ADGRL2: variants seen among roughly 807,000 people sequenced by gnomAD.
The protein encoded by ADGRL2 is adhesion G protein-coupled receptor L2, also known as calcium-independent alpha-latrotoxin receptor 2.
In ADGRL2, 44 loss-of-function variants were observed where a neutral mutation model predicts 157.4. That is an observed-to-expected ratio of 0.28 (90% confidence interval 0.22 to 0.36). The LOEUF (loss-of-function observed/expected upper bound fraction) is 0.36, where lower values mean the gene tolerates loss of function less well. Among genes scored for constraint, ADGRL2 ranks in the 10% least tolerant of loss-of-function variants. ADGRL2 has a pLI of 1.00. For synonymous variants in ADGRL2, 585 were observed against 624.7 expected (o/e 0.94, Z 0.95); for missense variants, 1,510 against 1,768.9 (o/e 0.85, Z 2.63).
intron 3 of ADGRL2, among the ~76,000 whole-genome samples, chr1:81,661,438 G>C (rs1200759925): frequency 6.6e-6 from 1 of 152,036 alleles, no homozygotes; most frequent in African/African-American, 2.4e-5. Context: ...GAAAAATAAA[G>C]GTGAAGAATT....
At chr1:81,977,130 C>G (rs992775035) in intron 17 of ADGRL2, among the ~76,000 whole-genome samples, 1 of 151,812 alleles carries the variant, frequency 6.6e-6, no homozygotes, top group Non-Finnish European at 1.5e-5. Flanking sequence ...TCTAAGTAAT[C>G]TTTGGAAGGA....
intron 1 of ADGRL2, among the ~76,000 whole-genome samples, chr1:81,810,586 C>A (rs540768919): frequency 5.9e-5 from 9 of 151,874 alleles, no homozygotes; most frequent in East Asian, 1.9e-4. Context: ...TTAGTTCTTA[C>A]AATTCCTGAC....
chr1:81,932,348 G>A (rs2095245439), intron 3 of ADGRL2, among the ~76,000 whole-genome samples: 1 of 152,090 alleles, frequency 6.6e-6, no homozygotes, highest in Non-Finnish European at 1.5e-5. Context: ...TAGACAGCTT[G>A]CTCAAAATTA....
chr1:81,633,961 C>T lies in ADGRL2; in HGVS notation c.-143+52981C>T, dbSNP rs77893125. On this transcript the variant is annotated intron_variant, in intron 3 of 24. Transcript: ENST00000370721. ...CTAGAGATATCATTTGAAAGACTTG[C>T]GGGTGCCAGTAGTATTTAAAGCCAT... Among the ~76,000 whole-genome samples the T allele has an allele frequency of 2.2e-4, 33 of 152,122 alleles. 1 individual carries two copies. In the East Asian group the frequency reaches 4.6e-3, roughly 21 times the overall value.
chr1:81,489,403 A>G, intron 2 of ADGRL2, among the ~76,000 whole-genome samples: 1 of 152,152 alleles, frequency 6.6e-6, no homozygotes, highest in East Asian at 1.9e-4. Context: ...GGACAATGGA[A>G]ATTATTGAGT....
At chr1:81,603,747 C>CA (rs138182351) in intron 3 of ADGRL2, among the ~76,000 whole-genome samples, 19,058 of 151,328 alleles carry the variant, frequency 0.13, 1,643 homozygotes, top group Non-Finnish European at 0.18. Context: ...CTTTTATGCC[C>CA]AAAAAAAAGG....
intron 2 of ADGRL2, among the ~76,000 whole-genome samples, chr1:81,536,537 A>G (rs1172789994): frequency 1.3e-5 from 2 of 152,188 alleles, no homozygotes; most frequent in African/African-American, 4.8e-5. Context: ...CACAACTTCT[A>G]TTCTCATCTC....
At position 81,473,766 on chromosome 1, in the gene ADGRL2, G is replaced by T. The variant is rs971263129; in HGVS notation, c.-248+28677G>T. The stretch of plus-strand genomic sequence containing the variant: ...AGCGCTGCAGCATCTTATTTCCACT[G>T]GGCAAGGGATGTGAGGTTTTTTTTT... On this transcript the variant is annotated intron_variant, in intron 2 of 24. Transcript: ENST00000370721. Among the ~76,000 whole-genome samples the T allele has an allele frequency of 3.9e-5, 6 of 151,988 alleles. No homozygotes were observed. In the South Asian group the frequency reaches 1.3e-3, roughly 32 times the overall value.
intron 8 of ADGRL2, 64 bp from the exon 9 acceptor site, chr1:81,951,890 CAAG>C: frequency 1.6e-6 from 2 of 1,274,282 alleles, no homozygotes; most frequent in Non-Finnish European, 2.2e-6. Flanking sequence ...TAAAGATACT[CAAG>C]GAGAACTAGA....
intron 2 of ADGRL2, among the ~76,000 whole-genome samples, chr1:81,453,368 C>G (rs2077737423): frequency 6.6e-6 from 1 of 152,128 alleles, no homozygotes; most frequent in African/African-American, 2.4e-5. Context: ...AAAGACATCT[C>G]TCGGTAAATC....
chr1:81,798,630 C>T (rs1236219019), upstream of ADGRL2, among the ~76,000 whole-genome samples: 1 of 151,998 alleles, frequency 6.6e-6, no homozygotes, highest in African/African-American at 2.4e-5. Flanking sequence ...AAGCATCCTC[C>T]TTTTTTGTGA....
At chr1:81,756,747 C>T (rs907963835) in intron 1 of ADGRL2, among the ~76,000 whole-genome samples, 6 of 152,084 alleles carry the variant, frequency 3.9e-5, no homozygotes, top group Admixed American at 3.3e-4. Flanking sequence ...TGTCTTTCTC[C>T]ATTCATTCAA....
chr1:81,629,047 G>C (rs535175760), intron 3 of ADGRL2, among the ~76,000 whole-genome samples: 33 of 152,280 alleles, frequency 2.2e-4, no homozygotes, highest in Non-Finnish European at 2.8e-4. Flanking sequence ...AGCTAGTAGA[G>C]TATCTGCCAA....
chr1:81,506,917 C>A (rs1197589675), intron 2 of ADGRL2, among the ~76,000 whole-genome samples: 1 of 152,208 alleles, frequency 6.6e-6, no homozygotes, highest in African/African-American at 2.4e-5. Context: ...GTACAGAGGG[C>A]CTCCTCCAGG....
At position 81,311,734 on chromosome 1, in the gene ADGRL2, T is replaced by G. The variant is rs1428546160; in HGVS notation, c.-302+5225T>G. Among the ~76,000 whole-genome samples the G allele has an allele frequency of 9.2e-5, 14 of 152,340 alleles. No homozygotes were observed. In the South Asian group the frequency reaches 2.7e-3, roughly 29 times the overall value. ...CAGCATATTAAAATTTACACATGCT[T>G]AATTTTAAAAATTGCAACAAGAAAG... On this transcript the variant is annotated intron_variant, in intron 1 of 24. Transcript: ENST00000370721.
chr1:81,922,942 A>G (rs1055308362), intron 3 of ADGRL2, among the ~76,000 whole-genome samples: 2 of 152,168 alleles, frequency 1.3e-5, no homozygotes, highest in African/African-American at 4.8e-5. Flanking sequence ...TGATCTATCT[A>G]TGTATCTGTC....
intron 3 of ADGRL2, among the ~76,000 whole-genome samples, chr1:81,659,583 T>C (rs2082610401): frequency 6.6e-6 from 1 of 152,194 alleles, no homozygotes; most frequent in African/African-American, 2.4e-5. Flanking sequence ...CGCATTCATT[T>C]AAAAAATGGA....
intron 1 of ADGRL2, among the ~76,000 whole-genome samples, chr1:81,354,368 G>A (rs181227267): frequency 1.3e-5 from 2 of 152,276 alleles, no homozygotes; most frequent in African/African-American, 4.8e-5. Flanking sequence ...AGCTTCCTCT[G>A]TAAATCCATA....
chr1:81,932,361 G>A (rs2095245510), intron 3 of ADGRL2, among the ~76,000 whole-genome samples: 1 of 152,054 alleles, frequency 6.6e-6, no homozygotes, highest in Non-Finnish European at 1.5e-5. Flanking sequence ...CAAAATTAGA[G>A]CAACTAAAAC....
Sources: gnomAD v4.1 joint callset for allele counts (sites outside exome capture counted in the v4.1 genomes callset) on GRCh38, gnomAD v4.1.1 for gene constraint, MANE v1.5 for transcripts, NCBI Gene and HGNC (gene_info 2026-07-23, HGNC 2026-07-21) for gene names.